The following ANPEP variants were observed in gnomAD, a reference collection of about 807,000 sequenced individuals.
The protein encoded by ANPEP is aminopeptidase N.
In ANPEP, 70 loss-of-function variants were observed where a neutral mutation model predicts 114.6. The observed-to-expected ratio is 0.61, with a 90% confidence interval of 0.50 to 0.75. The LOEUF is 0.75. Ranked by LOEUF, ANPEP falls within the 30% of genes least tolerant of loss-of-function variation. The probability of loss-of-function intolerance (pLI) is 0.00; values close to 1 mark genes in which losing one functional copy is unlikely to be tolerated. For synonymous variants in ANPEP, 548 were observed against 522.3 expected, an observed-to-expected ratio of 1.05 and a Z score of -0.67; for missense variants, 1,184 against 1,259.5, an observed-to-expected ratio of 0.94 and a Z score of 0.91.
rs770748219 is a variant in ANPEP at position 89,786,244 on chromosome 15, T to C, written c.2752-743A>G. ...AATGCCAAAAACTACAAAACATTTT[T>C]GAAAGAAATTAAAGAACACCTAAGT... is the stretch of plus-strand genomic sequence containing the variant. On this transcript the variant is annotated intron_variant, in intron 20 of 20. Coordinates refer to ENST00000300060, the MANE Select transcript of ANPEP (RefSeq NM_001150.3). Among the ~76,000 whole-genome samples, 7 of 152,244 alleles carry C rather than the reference T, an allele frequency of 4.6e-5. No homozygotes were observed. The South Asian group carries it at 6.2e-4, about 14-fold the overall frequency.
chr15:89,793,313 TTCTG>T (rs1221804342), intron 15 of ANPEP, 187 bp from the exon 16 acceptor site: 2 of 531,048 alleles, frequency 3.8e-6, no homozygotes, highest in African/African-American at 2.0e-5. Context: ...CTGAGTTTCT[TTCTG>T]CTTAAAGCCT....
At chr15:89,796,067 A>G (rs1968720762) in intron 15 of ANPEP, among the ~76,000 whole-genome samples, 1 of 152,162 alleles carries the variant, frequency 6.6e-6, no homozygotes, top group Non-Finnish European at 1.5e-5. Context: ...ATGCATCTCT[A>G]CAAAAGAGCA....
rs112994871 is a variant in ANPEP at position 89,801,355 on chromosome 15, G to C, written c.1742+80C>G. 1,258 of 1,572,744 alleles carry C rather than the reference G, an allele frequency of 8.0e-4. 13 individuals carry two copies. The African/African-American group carries it at 0.015, about 19-fold the overall frequency. On this transcript the variant is annotated intron_variant, in intron 11 of 20. Transcript: ENST00000300060. ...AGTGGCTGGGGCTGGGACCACAGGA[G>C]GCCAGTCCTACTATGGTCCCTTAGT... is the stretch of plus-strand genomic sequence containing the variant.
At chr15:89,792,865 G>A (rs1968659087) in intron 16 of ANPEP, among the ~76,000 whole-genome samples, 170 bp downstream of exon 16, 1 of 152,192 alleles carries the variant, frequency 6.6e-6, no homozygotes, top group Non-Finnish European at 1.5e-5. Flanking sequence ...GGTCCGATGG[G>A]CCCTCAGGCC....
chr15:89,790,596 A>C, intron 19 of ANPEP, 55 bp from the exon 20 acceptor site: 9 of 1,458,736 alleles, frequency 6.2e-6, no homozygotes, highest in Non-Finnish European at 8.6e-6. Flanking sequence ...AAGGAGGCTC[A>C]TCCTCACACC....
intron 14 of ANPEP, among the ~76,000 whole-genome samples, chr15:89,798,980 A>G (rs923289785): frequency 4.6e-5 from 7 of 152,184 alleles, no homozygotes; most frequent in East Asian, 1.9e-4. Flanking sequence ...AAACAAAAAC[A>G]AAAAGCTTGG....
At position 89,789,775 on chromosome 15, in the gene ANPEP, C is replaced by CAA. The variant is rs57965822; in HGVS notation, c.2751+683_2751+684dup. 3.6e-4 allele frequency among the ~76,000 whole-genome samples: 35 copies of CAA among 97,472 alleles called. 3 individuals are homozygous for CAA. Among genetic ancestry groups the CAA allele is most frequent in the African/African-American group, 1.2e-3 (30 of 24,338 alleles). 63.9% of individuals were successfully genotyped at this position (97,472 alleles called of 152,430 possible). The stretch of plus-strand genomic sequence containing the variant: ...TGCATGACAGAGCGAGACTCAGTCT[C>CAA]AAAAAAAAAAAAAAGCTGGACGCCG... On this transcript the variant is annotated intron_variant, in intron 20 of 20. Coordinates refer to ENST00000300060, the MANE Select transcript of ANPEP (RefSeq NM_001150.3).
rs762857461 is a variant in ANPEP, at chr15:89,793,132, GA to G, written c.2158-7del. The G allele has an allele frequency of 6.8e-6, 11 of 1,611,102 alleles. No individual in the cohort carries two copies. Among genetic ancestry groups the G allele is most frequent in the East Asian group, 2.2e-5 (1 of 44,876 alleles). On this transcript the variant is annotated splice_region_variant and splice_polypyrimidine_tract_variant and intron_variant, in intron 15 of 20. Coordinates refer to ENST00000300060, the MANE Select transcript of ANPEP (RefSeq NM_001150.3). ...ACCTGCTTCTTCAGGTAGTTCTGGGGAAAAGAAAATATGAATCTCATCAAAG... is the reference window on the plus strand; with the variant it reads ...ACCTGCTTCTTCAGGTAGTTCTGGGGAAAGAAAATATGAATCTCATCAAAG...
chr15:89,810,589 A>G (rs1278114082), intron 1 of ANPEP, among the ~76,000 whole-genome samples: 1 of 151,958 alleles, frequency 6.6e-6, no homozygotes, highest in African/African-American at 2.4e-5. Context: ...AGAAAAAAAA[A>G]AAAGAAAAAG....
At chr15:89,805,247 G>A (rs375138523) in intron 3 of ANPEP, 30 bp from the exon 4 acceptor site, 87 of 1,613,880 alleles carry the variant, frequency 5.4e-5, no homozygotes, top group African/African-American at 4.9e-4. Flanking sequence ...GTGTGAGGAC[G>A]TACCCTCCTG....
intron 6 of ANPEP, 58 bp downstream of exon 6, chr15:89,804,195 G>A (rs1894658201): frequency 3.1e-6 from 5 of 1,604,274 alleles, no homozygotes; most frequent in Non-Finnish European, 4.3e-6. Flanking sequence ...CTGGACTTGC[G>A]CCGTCTCCTC....
chr15:89,799,189 G>A lies in ANPEP; in HGVS notation c.2009+71C>T. On this transcript the variant is annotated intron_variant, in intron 14 of 20. Coordinates refer to ENST00000300060, the MANE Select transcript of ANPEP (RefSeq NM_001150.3). The surrounding 1 kb of genome is among the most constrained non-coding windows in gnomAD (Gnocchi z 4.2). Reference sequence around the variant, plus strand: ...GGGAAGGGCAGCAGGAGGAGCAGGGGCCCTCATTGTGGACTCAGACTTGCT... The same window carrying A: ...GGGAAGGGCAGCAGGAGGAGCAGGGACCCTCATTGTGGACTCAGACTTGCT... 2.6e-6 allele frequency: 4 copies of A among 1,558,272 alleles called. No individual in the cohort carries two copies. The highest frequency in any genetic ancestry group is 3.5e-6 in the Non-Finnish European group (4 of 1,130,362).
At chr15:89,811,853 C>T (rs547686634) in intron 1 of ANPEP, among the ~76,000 whole-genome samples, 105 of 152,192 alleles carry the variant, frequency 6.9e-4, no homozygotes, top group African/African-American at 2.3e-3. Context: ...AATTTCTTGA[C>T]GGGGTAGAAG....
At chr15:89,808,348 G>T (rs190398486) in intron 1 of ANPEP, among the ~76,000 whole-genome samples, 2 of 152,290 alleles carry the variant, frequency 1.3e-5, no homozygotes, top group African/African-American at 4.8e-5. Context: ...CCACAGACCT[G>T]TTCTGCAAAG....
intron 1 of ANPEP, among the ~76,000 whole-genome samples, chr15:89,813,034 G>A (rs1286406941): frequency 6.6e-6 from 1 of 152,144 alleles, no homozygotes; most frequent in Non-Finnish European, 1.5e-5. Context: ...CCTCCAAGGT[G>A]TGACTGGGAC....
chr15:89,804,696 G>A, intron 4 of ANPEP, 79 bp from the exon 5 acceptor site: 1 of 1,551,604 alleles, frequency 6.4e-7, no homozygotes, highest in Non-Finnish European at 8.7e-7. Context: ...AGGGCCCAGT[G>A]GGCTGGGGGG....
chr15:89,810,636 C>T (rs1344527443), intron 1 of ANPEP, among the ~76,000 whole-genome samples: 3 of 152,102 alleles, frequency 2.0e-5, no homozygotes, highest in Admixed American at 2.0e-4. Context: ...CCTGCTGCTG[C>T]ACCCAAGCAC....
intron 20 of ANPEP, among the ~76,000 whole-genome samples, chr15:89,789,238 C>T (rs969337018): frequency 4.6e-5 from 7 of 151,934 alleles, no homozygotes; most frequent in Non-Finnish European, 1.0e-4. Flanking sequence ...CCTTAGCCTC[C>T]TAAAGTGCTG....
At position 89,806,756 on chromosome 15, in the gene ANPEP, C is replaced by G; in HGVS notation, c.-173G>C. 2.8e-6 allele frequency: 3 copies of G among 1,053,916 alleles called. No homozygotes were observed. The highest frequency in any genetic ancestry group is 4.0e-6 in the Non-Finnish European group (3 of 757,064). 65.3% of individuals were successfully genotyped at this position (1,053,916 alleles called of 1,614,324 possible). ...TGGACTGGGCAGGGGCACGCTCCGC[C>G]TGGGGAGAGGAGATCCAGGAACGGT... On this transcript the variant is annotated 5_prime_UTR_variant, in exon 2 of 21. Coordinates refer to ENST00000300060, the MANE Select transcript of ANPEP (RefSeq NM_001150.3). This position sits in a 1 kb window ranked among gnomAD's most constrained non-coding sequence, Gnocchi z 5.7.
Sources: allele counts gnomAD v4.1 joint callset (sites outside exome capture counted in the v4.1 genomes callset), GRCh38; gene constraint gnomAD v4.1.1; non-coding constraint Gnocchi (gnomAD v3.1); transcripts MANE v1.5; gene names NCBI Gene and HGNC (gene_info 2026-07-23, HGNC 2026-07-21).